The following SLC14A2 variants were observed in gnomAD, a reference collection of about 807,000 sequenced individuals.
SLC14A2 encodes the protein solute carrier family 14 member 2, also known as urea transporter 2.
In SLC14A2, 91 loss-of-function variants were observed where a neutral mutation model predicts 104.6. The observed-to-expected ratio is 0.87, with a 90% CI of 0.73 to 1.04. SLC14A2 has a LOEUF of 1.04. Ranked by LOEUF, SLC14A2 falls within the 50% of genes least tolerant of loss-of-function variation. The pLI, the probability that SLC14A2 is intolerant of heterozygous loss-of-function variation, is 0.00. For synonymous variants in SLC14A2, 476 were observed against 466.4 expected, an observed-to-expected ratio of 1.02 and a Z score of -0.27; for missense variants, 1,189 against 1,156.0, an observed-to-expected ratio of 1.03 and a Z score of -0.41.
intron 2 of SLC14A2, chr18:45,492,224 T>G (rs557070538): frequency 6.6e-6 from 1 of 152,346 alleles, no homozygotes; most frequent in South Asian, 2.1e-4. Context: ...GGCCCTTAAC[T>G]TGCATGGACA....
chr18:45,509,296 A>G (rs543340017), intron 2 of SLC14A2, among the ~76,000 whole-genome samples: 1 of 151,694 alleles, frequency 6.6e-6, no homozygotes, highest in East Asian at 1.9e-4. Context: ...CTATATATAT[A>G]TATCTCTCTC....
chr18:45,362,678 T>A (rs369658847), intron 1 of SLC14A2, among the ~76,000 whole-genome samples: 24 of 152,286 alleles, frequency 1.6e-4, no homozygotes, highest in East Asian at 5.8e-4. Flanking sequence ...TGCTACCAGG[T>A]AGGGCCACCC....
intron 1 of SLC14A2, among the ~76,000 whole-genome samples, chr18:45,241,458 A>G (rs182164406): frequency 9.9e-5 from 15 of 152,208 alleles, no homozygotes; most frequent in Non-Finnish European, 2.1e-4. Flanking sequence ...CTTTGTAGAT[A>G]AGAAACCACT....
At chr18:45,527,683 G>A (rs973505243) in intron 2 of SLC14A2, among the ~76,000 whole-genome samples, 4 of 152,120 alleles carry the variant, frequency 2.6e-5, no homozygotes, top group South Asian at 2.1e-4. Context: ...TAGGCAAATC[G>A]TTTGTTCTAA....
At chr18:45,498,645 A>G (rs571375790) in intron 2 of SLC14A2, among the ~76,000 whole-genome samples, 12 of 152,290 alleles carry the variant, frequency 7.9e-5, no homozygotes, top group African/African-American at 2.9e-4. Context: ...ATCTCAGCTC[A>G]GGATTCATCT....
intron 12 of SLC14A2, 51 bp from the exon 13 acceptor site, chr18:45,666,884 T>A: frequency 6.6e-7 from 1 of 1,526,348 alleles, no homozygotes; most frequent in Non-Finnish European, 9.0e-7. Flanking sequence ...GAATTCTCAG[T>A]GTAAGAACCA....
In SLC14A2 at chr18:45,294,602, C is replaced by A. The variant is rs542067174; in HGVS notation, c.-125+81411C>A. 3.3e-5 allele frequency among the ~76,000 whole-genome samples: 5 copies of A among 152,338 alleles called. No individual in the cohort carries two copies. The South Asian group carries it at 8.3e-4, about 25-fold the overall frequency. ...GCCCCATACATTTTTTAAGTGCTTA[C>A]TAAGCTATGTTGTCTTCTGCAGAGG... On this transcript the variant is annotated intron_variant, in intron 1 of 20. Transcript: ENST00000586448.
intron 1 of SLC14A2, among the ~76,000 whole-genome samples, chr18:45,452,207 G>A (rs1286843891): frequency 6.6e-6 from 1 of 152,170 alleles, no homozygotes; most frequent in African/African-American, 2.4e-5. Context: ...ACTCAGAGAT[G>A]CCTGCATTTG....
At chr18:45,253,692 A>G (rs1403150420) in intron 1 of SLC14A2, among the ~76,000 whole-genome samples, 3 of 152,208 alleles carry the variant, frequency 2.0e-5, no homozygotes, top group Admixed American at 2.0e-4. Context: ...AACCCAAGCC[A>G]TTTGAAAAAT....
intron 1 of SLC14A2, among the ~76,000 whole-genome samples, chr18:45,251,916 T>A (rs1301639537): frequency 6.6e-6 from 1 of 152,206 alleles, no homozygotes; most frequent in Non-Finnish European, 1.5e-5. Context: ...TTAATGATGA[T>A]GACAGAGTCT....
intron 1 of SLC14A2, among the ~76,000 whole-genome samples, chr18:45,263,243 G>A (rs1303713037): frequency 2.6e-5 from 4 of 152,274 alleles, no homozygotes; most frequent in East Asian, 1.9e-4. Flanking sequence ...ATGTGAGGGC[G>A]TCTGATGTTT....
chr18:45,447,538 A>G (rs1322452257), intron 1 of SLC14A2: 1 of 152,238 alleles, frequency 6.6e-6, no homozygotes, highest in Non-Finnish European at 1.5e-5. Context: ...GTTTCCTATC[A>G]GTCGACCATC....
chr18:45,538,982 A>G (rs752625187), intron 2 of SLC14A2, among the ~76,000 whole-genome samples: 50 of 150,456 alleles, frequency 3.3e-4, no homozygotes, highest in Non-Finnish European at 5.0e-4. Flanking sequence ...ATCACATACT[A>G]TATGGCAGGC....
chr18:45,499,354 C>G (rs1162156533), intron 2 of SLC14A2, among the ~76,000 whole-genome samples: 1 of 152,148 alleles, frequency 6.6e-6, no homozygotes. Context: ...TGTCATGTGG[C>G]TGATCCACAC....
chr18:45,513,542 A>T (rs1169823855), intron 2 of SLC14A2, among the ~76,000 whole-genome samples: 1 of 152,226 alleles, frequency 6.6e-6, no homozygotes, highest in Non-Finnish European at 1.5e-5. Flanking sequence ...TGAGGCCAAT[A>T]GGACTGTAAT....
intron 2 of SLC14A2, among the ~76,000 whole-genome samples, chr18:45,506,527 C>T (rs1057344751): frequency 9.2e-5 from 14 of 152,008 alleles, no homozygotes; most frequent in African/African-American, 2.2e-4. Context: ...CTAGATAGGG[C>T]GGACCCAAAA....
At chr18:45,579,175 C>T (rs2044455266) in intron 2 of SLC14A2, among the ~76,000 whole-genome samples, 1 of 152,208 alleles carries the variant, frequency 6.6e-6, no homozygotes, top group Non-Finnish European at 1.5e-5. Context: ...CAGCAAATCA[C>T]AAGGTCAGCC....
chr18:45,324,847 A>G (rs1281360070), intron 1 of SLC14A2, among the ~76,000 whole-genome samples: 1 of 152,026 alleles, frequency 6.6e-6, no homozygotes, highest in Non-Finnish European at 1.5e-5. Flanking sequence ...CTGTTGCAAT[A>G]TGTTGGAATA....
chr18:45,285,666 C>CG (rs1005897155), intron 1 of SLC14A2, among the ~76,000 whole-genome samples: 9 of 79,750 alleles, frequency 1.1e-4, no homozygotes, highest in Admixed American at 4.4e-4. Context: ...GATCTGCCCC[C>CG]CCCCCCCCTC....
Sources: gnomAD v4.1 joint callset for allele counts (sites outside exome capture counted in the v4.1 genomes callset) on GRCh38, gnomAD v4.1.1 for gene constraint, MANE v1.5 for transcripts, NCBI Gene and HGNC (gene_info 2026-07-23, HGNC 2026-07-21) for gene names.